Variants in RORA observed in about 807,000 individuals in gnomAD.
The protein encoded by RORA is nuclear receptor ROR-alpha.
RORA carries 7 observed loss-of-function variants against 69.5 expected under a neutral mutation model. That is an observed-to-expected ratio of 0.10 (90% CI 0.06 to 0.19). RORA has a LOEUF of 0.19. Among genes scored for constraint, RORA ranks in the 10% least tolerant of loss-of-function variants. The probability of loss-of-function intolerance (pLI) is 1.00; values close to 1 mark genes in which losing one functional copy is unlikely to be tolerated. For synonymous variants in RORA, 261 were observed against 240.8 expected (o/e 1.08, Z -0.78); for missense variants, 457 against 663.0 (o/e 0.69, Z 3.41).
chr15:60,568,942 G>A (rs1308644286), intron 2 of RORA, among the ~76,000 whole-genome samples: 3 of 46,226 alleles, frequency 6.5e-5, no homozygotes, highest in African/African-American at 4.6e-4. Flanking sequence ...ATGGTTTTGC[G>A]CTAAAAAAAA....
chr15:60,779,422 A>T (rs959502224), intron 1 of RORA, among the ~76,000 whole-genome samples: 11 of 151,916 alleles, frequency 7.2e-5, no homozygotes, highest in Non-Finnish European at 1.5e-4. Context: ...TCTCCATAAG[A>T]CTCCCTGAAT....
chr15:60,582,007 TGGTTA>T (rs2068209089), intron 2 of RORA, among the ~76,000 whole-genome samples: 1 of 152,194 alleles, frequency 6.6e-6, no homozygotes, highest in African/African-American at 2.4e-5. Flanking sequence ...TGGTACGCAA[TGGTTA>T]AGGCTACTCC....
chr15:60,663,646 G>A (rs558193381), intron 2 of RORA, among the ~76,000 whole-genome samples: 13 of 152,126 alleles, frequency 8.5e-5, no homozygotes, highest in Non-Finnish European at 1.6e-4. Context: ...GTAGAGATGG[G>A]GTTTCACCAT....
chr15:61,153,795 C>T (rs2079419054), intron 1 of RORA, among the ~76,000 whole-genome samples: 1 of 134,594 alleles, frequency 7.4e-6, no homozygotes, highest in East Asian at 2.1e-4. Context: ...CCTTCAATTG[C>T]TAAGAACCCT....
In RORA at chr15:61,061,396, A is replaced by AATAAATAAATACATAC. The variant is rs555915393; in HGVS notation, c.166+167656_166+167657insGTATGTATTTATTTAT. Among the ~76,000 whole-genome samples, 186 of 150,026 alleles carry AATAAATAAATACATAC rather than the reference A, an allele frequency of 1.2e-3. 1 individual carries two copies. The highest frequency in any genetic ancestry group is 2.4e-3 in the East Asian group (12 of 5,072). On this transcript the variant is annotated intron_variant, in intron 1 of 10. Coordinates refer to ENST00000335670, the MANE Select transcript of RORA (RefSeq NM_134261.3). The surrounding 1 kb of genome is among the most constrained non-coding windows in gnomAD (Gnocchi z 4.4). ...AAATAAATAAATAAATAAATAAATAAATACAAGGGCATCGCAGGAAGTCCT... is the reference window on the plus strand; with the variant it reads ...AAATAAATAAATAAATAAATAAATAAATAAATAAATACATACATACAAGGGCATCGCAGGAAGTCCT...
intron 1 of RORA, among the ~76,000 whole-genome samples, chr15:60,893,932 C>T (rs1891151541): frequency 6.6e-6 from 1 of 152,194 alleles, no homozygotes; most frequent in Admixed American, 6.5e-5. Context: ...AAACCCAGAC[C>T]TCTCAAGTCC....
chr15:61,099,865 G>C (rs1296688076), intron 1 of RORA, among the ~76,000 whole-genome samples: 1 of 152,194 alleles, frequency 6.6e-6, no homozygotes, highest in Non-Finnish European at 1.5e-5. Flanking sequence ...AAATTCGTTT[G>C]TAGGACACTC....
intron 1 of RORA, among the ~76,000 whole-genome samples, chr15:60,815,719 C>T (rs79761048): frequency 0.071 from 10,730 of 150,842 alleles, 520 homozygotes; most frequent in Admixed American, 0.13. Context: ...CCAGTCAACA[C>T]CCCCCGAGGT....
chr15:60,701,429 C>G (rs926667534), intron 1 of RORA, among the ~76,000 whole-genome samples: 3 of 152,206 alleles, frequency 2.0e-5, no homozygotes, highest in Non-Finnish European at 4.4e-5. Flanking sequence ...GAGTCAGTAT[C>G]TCACAGGATC....
At chr15:61,035,442 T>C (rs1048946482) in intron 1 of RORA, among the ~76,000 whole-genome samples, 1 of 152,186 alleles carries the variant, frequency 6.6e-6, no homozygotes, top group Non-Finnish European at 1.5e-5. Flanking sequence ...GTACTTCATG[T>C]GGCAAAATAC....
chr15:60,871,237 G>GC (rs2073551888), intron 1 of RORA, among the ~76,000 whole-genome samples: 1 of 150,298 alleles, frequency 6.7e-6, no homozygotes, highest in East Asian at 1.9e-4. Context: ...TCAAAGATTT[G>GC]TTTTTTTTTC....
chr15:61,161,138 G>T (rs1021425313), intron 1 of RORA, among the ~76,000 whole-genome samples: 6 of 152,148 alleles, frequency 3.9e-5, no homozygotes, highest in Admixed American at 3.9e-4. Context: ...TCTGACTGAA[G>T]CAATGGGAGG....
chr15:60,967,586 T>C (rs1893591171), intron 1 of RORA, among the ~76,000 whole-genome samples: 1 of 152,246 alleles, frequency 6.6e-6, no homozygotes, highest in South Asian at 2.1e-4. Context: ...CCCCTGCTGA[T>C]AGCTCAACCA....
chr15:61,174,600 C>A (rs1208057107), intron 1 of RORA, among the ~76,000 whole-genome samples: 1 of 152,160 alleles, frequency 6.6e-6, no homozygotes, highest in Non-Finnish European at 1.5e-5. Flanking sequence ...TAAATTCTGA[C>A]AAAATATTTT....
At chr15:60,627,244 G>A (rs766996823) in intron 2 of RORA, 1 of 1,614,116 alleles carries the variant, frequency 6.2e-7, no homozygotes, top group Non-Finnish European at 8.5e-7. Flanking sequence ...TTACCTTCTG[G>A]CTCCTTCACC....
chr15:60,801,962 A>T (rs573681472), intron 1 of RORA, among the ~76,000 whole-genome samples: 11 of 152,216 alleles, frequency 7.2e-5, no homozygotes, highest in Non-Finnish European at 1.5e-4. Context: ...TAGGAAATGA[A>T]TTACTGATGT....
chr15:61,045,196 T>C (rs898427260), intron 1 of RORA, among the ~76,000 whole-genome samples: 5 of 152,102 alleles, frequency 3.3e-5, no homozygotes, highest in African/African-American at 1.2e-4. Flanking sequence ...GTCTTTCCCA[T>C]GCTGTTCTCA....
chr15:60,580,463 T>C (rs571407804), intron 2 of RORA, among the ~76,000 whole-genome samples: 2 of 152,362 alleles, frequency 1.3e-5, no homozygotes, highest in African/African-American at 4.8e-5. Flanking sequence ...TTTTCTCTTA[T>C]TTTGTGAATA....
intron 3 of RORA, among the ~76,000 whole-genome samples, chr15:60,524,765 G>T (rs1038617896): frequency 6.6e-6 from 1 of 152,174 alleles, no homozygotes; most frequent in South Asian, 2.1e-4. Context: ...CAGTGGTGAC[G>T]ATATGCTGAG....
Sources: gnomAD v4.1 joint callset for allele counts (sites outside exome capture counted in the v4.1 genomes callset) on GRCh38, gnomAD v4.1.1 for gene constraint, Gnocchi (gnomAD v3.1) non-coding constraint, MANE v1.5 for transcripts, NCBI Gene and HGNC (gene_info 2026-07-23, HGNC 2026-07-21) for gene names.